The following NCAM2 variants were observed in gnomAD, a reference collection of about 807,000 sequenced individuals.
NCAM2 encodes the protein neural cell adhesion molecule 2.
Under a neutral mutation model 98.1 loss-of-function variants are expected in NCAM2, and 30 were observed. The observed-to-expected ratio is 0.31, with a 90% CI of 0.23 to 0.41. The LOEUF (loss-of-function observed/expected upper bound fraction) is 0.41. Ranked by LOEUF, NCAM2 falls within the 10% of genes least tolerant of loss-of-function variation. The probability of loss-of-function intolerance (pLI) is 1.00; values close to 1 mark genes in which losing one functional copy is unlikely to be tolerated. For missense variants in NCAM2, 867 were observed against 1,005.8 expected (o/e 0.86, Z 1.87); for synonymous variants, 368 against 342.4 (o/e 1.07, Z -0.83).
At chr21:21,513,433 T>C (rs34689676) in intron 16 of NCAM2, among the ~76,000 whole-genome samples, 56,755 of 151,844 alleles carry the variant, frequency 0.37, 11,173 homozygotes, top group East Asian at 0.62. Context: ...AATTTTCCTT[T>C]TTAATTTCAT....
chr21:21,266,281 T>C (rs1194745173), intron 1 of NCAM2, among the ~76,000 whole-genome samples: 1 of 152,128 alleles, frequency 6.6e-6, no homozygotes, highest in Admixed American at 6.6e-5. Context: ...TCAACTACTG[T>C]ATTCCTAAAT....
At chr21:21,052,608 C>T (rs1156268049) in intron 1 of NCAM2, among the ~76,000 whole-genome samples, 1 of 152,060 alleles carries the variant, frequency 6.6e-6, no homozygotes, top group East Asian at 1.9e-4. Context: ...TTTCTTTAGA[C>T]CCAAACAGTT....
chr21:21,508,441 A>G (rs117733668), intron 15 of NCAM2, among the ~76,000 whole-genome samples: 2,596 of 152,262 alleles, frequency 0.017, 26 homozygotes, highest in Non-Finnish European at 0.029. Context: ...AGTTTTGATT[A>G]TAATTTTCTT....
intron 9 of NCAM2, among the ~76,000 whole-genome samples, chr21:21,395,872 T>C (rs1388922959): frequency 1.3e-5 from 2 of 151,910 alleles, no homozygotes; most frequent in Admixed American, 1.3e-4. Context: ...TCAAGATAGA[T>C]CAAAGACTTA....
At chr21:21,486,809 T>C (rs1202330920) in intron 15 of NCAM2, among the ~76,000 whole-genome samples, 1 of 152,146 alleles carries the variant, frequency 6.6e-6, no homozygotes, top group Non-Finnish European at 1.5e-5. Context: ...AGAAATAAGA[T>C]ACATCAATTT....
intron 1 of NCAM2, among the ~76,000 whole-genome samples, chr21:21,082,018 A>G (rs2146409387): frequency 6.6e-6 from 1 of 151,334 alleles, no homozygotes; most frequent in South Asian, 2.1e-4. Flanking sequence ...CGGGTGGATC[A>G]GGAGTTCGAG....
intron 8 of NCAM2, among the ~76,000 whole-genome samples, chr21:21,343,107 C>T (rs2147897924): frequency 6.6e-6 from 1 of 152,220 alleles, no homozygotes; most frequent in East Asian, 1.9e-4. Context: ...TGTTTATAAT[C>T]TGATATTACT....
At chr21:21,279,223 A>T (rs560526944) in intron 1 of NCAM2, among the ~76,000 whole-genome samples, 2 of 152,334 alleles carry the variant, frequency 1.3e-5, no homozygotes, top group South Asian at 4.1e-4. Context: ...TGGTTTATCT[A>T]ATGAGAAACA....
chr21:21,319,325 G>A (rs919967055), intron 5 of NCAM2, among the ~76,000 whole-genome samples: 2 of 152,076 alleles, frequency 1.3e-5, no homozygotes, highest in African/African-American at 2.4e-5. Context: ...CTGTGAATAC[G>A]AGTTAACAAC....
chr21:21,525,294 G>A (rs1383519572), intron 16 of NCAM2, among the ~76,000 whole-genome samples: 1 of 152,042 alleles, frequency 6.6e-6, no homozygotes, highest in Non-Finnish European at 1.5e-5. Context: ...GACAGAGATA[G>A]AGAAAGAAAA....
intron 8 of NCAM2, among the ~76,000 whole-genome samples, chr21:21,361,708 A>G (rs2075650562): frequency 6.6e-6 from 1 of 152,094 alleles, no homozygotes; most frequent in East Asian, 1.9e-4. Flanking sequence ...CTTACCAGAC[A>G]GCTTCACTTG....
intron 1 of NCAM2, among the ~76,000 whole-genome samples, chr21:21,265,210 ATATAG>A (rs201196110): frequency 0.013 from 1,665 of 124,432 alleles, 39 homozygotes; most frequent in African/African-American, 0.042. Flanking sequence ...GTATGTGTGT[ATATAG>A]TATATTATAT....
At chr21:21,141,986 G>T (rs1473702189) in intron 1 of NCAM2, among the ~76,000 whole-genome samples, 1 of 152,134 alleles carries the variant, frequency 6.6e-6, no homozygotes, top group East Asian at 1.9e-4. Flanking sequence ...GAGATAAATG[G>T]ATGAAATAAG....
At chr21:21,366,929 T>A (rs1158063624) in intron 8 of NCAM2, among the ~76,000 whole-genome samples, 2 of 152,042 alleles carry the variant, frequency 1.3e-5, no homozygotes, top group African/African-American at 4.8e-5. Flanking sequence ...ATATGATGTA[T>A]GACTCCCTCA....
chr21:21,430,117 C>A (rs2077299431), intron 11 of NCAM2, among the ~76,000 whole-genome samples: 2 of 151,968 alleles, frequency 1.3e-5, no homozygotes, highest in Non-Finnish European at 2.9e-5. Flanking sequence ...CAACTTCTAC[C>A]TCCTGGGTTC....
intron 16 of NCAM2, among the ~76,000 whole-genome samples, chr21:21,523,941 A>G (rs974073152): frequency 3.9e-5 from 6 of 151,966 alleles, no homozygotes; most frequent in Non-Finnish European, 7.4e-5. Flanking sequence ...CCATTGTATC[A>G]GTAATTACCT....
chr21:21,542,648 G>A lies in NCAM2; in HGVS notation c.*4691G>A, dbSNP rs1990277537. The stretch of plus-strand genomic sequence containing the variant: ...AATCACAACCCGACATAGGAGAGTA[G>A]AGAAACAAAGAAATGAGTGGATCTA... On this transcript the variant is annotated 3_prime_UTR_variant, in exon 18 of 18. Transcript: ENST00000400546. 6.6e-6 allele frequency: 1 copy of A among 151,778 alleles called. No homozygotes were observed. The allele number at this position is 151,778 out of a possible 1,614,324, so 9.4% of individuals were successfully genotyped here.
Position 21,166,396 on chromosome 21 carries a change from C to T in NCAM2, c.56-114182C>T, listed in dbSNP as rs112856052. Among the ~76,000 whole-genome samples the T allele has an allele frequency of 3.4e-3, 519 of 152,054 alleles. 6 individuals carry two copies. The highest frequency in any genetic ancestry group is 0.012 in the African/African-American group (493 of 41,466). ...ATAATTTTTGTATTTTTAGTGGAGACGGGGTTTCACCATGTTGGTCAAGCT... is the reference window on the plus strand; with the variant it reads ...ATAATTTTTGTATTTTTAGTGGAGATGGGGTTTCACCATGTTGGTCAAGCT... On this transcript the variant is annotated intron_variant, in intron 1 of 17. Transcript: ENST00000400546.
intron 1 of NCAM2, among the ~76,000 whole-genome samples, chr21:21,143,912 C>T (rs1286485665): frequency 6.6e-6 from 1 of 150,688 alleles, no homozygotes; most frequent in East Asian, 2.0e-4. Context: ...ATCATATTGG[C>T]ATTGCTGTCA....
Sources: gnomAD v4.1 joint callset for allele counts (sites outside exome capture counted in the v4.1 genomes callset) on GRCh38, gnomAD v4.1.1 for gene constraint, MANE v1.5 for transcripts, NCBI Gene and HGNC (gene_info 2026-07-23, HGNC 2026-07-21) for gene names.